The following TPST1 variants were observed in gnomAD, a reference collection of about 807,000 sequenced individuals.
TPST1 encodes protein-tyrosine sulfotransferase 1.
A neutral mutation model predicts 34.8 loss-of-function variants in TPST1; 20 were observed. The ratio of observed to expected loss-of-function variants is 0.57; its 90% CI spans 0.40 to 0.84. The LOEUF is 0.84. Among genes scored for constraint, TPST1 ranks in the 40% least tolerant of loss-of-function variants. The probability of loss-of-function intolerance (pLI) is 0.00; values close to 1 mark genes in which losing one functional copy is unlikely to be tolerated. For missense variants in TPST1, 353 were observed against 455.5 expected, an observed-to-expected ratio of 0.78 and a Z score of 2.05; for synonymous variants, 152 against 159.4, an observed-to-expected ratio of 0.95 and a Z score of 0.35.
At chr7:66,315,304 G>T (rs978339351) in intron 3 of TPST1, among the ~76,000 whole-genome samples, 1 of 152,232 alleles carries the variant, frequency 6.6e-6, no homozygotes, top group Non-Finnish European at 1.5e-5. Flanking sequence ...TATCAGGCTC[G>T]TGAAACTGGA....
chr7:66,234,121 G>A (rs1354884888), intron 1 of TPST1, among the ~76,000 whole-genome samples: 1 of 151,906 alleles, frequency 6.6e-6, no homozygotes, highest in Non-Finnish European at 1.5e-5. Context: ...ACCTCCCAAA[G>A]TGCTGGGATC....
At chr7:66,301,648 A>G (rs1047364039) in intron 3 of TPST1, among the ~76,000 whole-genome samples, 2 of 152,180 alleles carry the variant, frequency 1.3e-5, no homozygotes, top group African/African-American at 2.4e-5. Flanking sequence ...AGGAACAGGG[A>G]GGCCCAAGGA....
At position 66,240,696 on chromosome 7, in the gene TPST1, G is replaced by C; in HGVS notation, c.271G>C (p.Ala91Pro). The C allele has an allele frequency of 1.9e-6, 3 of 1,614,144 alleles. No homozygotes were observed. Among genetic ancestry groups the C allele is most frequent in the Non-Finnish European group, 2.5e-6 (3 of 1,180,040 alleles). Reference protein sequence around the residue: ...GTTLMRAMLDAHPDIRCGEET... With the variant: ...GTTLMRAMLDPHPDIRCGEET... ...CACACTCATGAGGGCCATGCTGGAC[G>C]CACATCCTGACATTCGCTGTGGAGA... Residue 91 changes from alanine (A) to proline (P), a missense_variant, in exon 2 of 6, where the codon GCA becomes CCA. Transcript: ENST00000304842.
At chr7:66,236,209 G>A (rs761216685) in intron 1 of TPST1, among the ~76,000 whole-genome samples, 2 of 152,048 alleles carry the variant, frequency 1.3e-5, no homozygotes. Context: ...CCTTTCACAA[G>A]TATGAGGGTG....
chr7:66,274,348 C>CA (rs1179348398), intron 2 of TPST1, among the ~76,000 whole-genome samples: 3 of 149,272 alleles, frequency 2.0e-5, no homozygotes, highest in African/African-American at 7.4e-5. Context: ...GCCTGGGCGA[C>CA]AGAGTGAGAC....
Position 66,212,241 on chromosome 7 carries a change from A to T in TPST1, c.-102+6719A>T, listed in dbSNP as rs77094285. ...TTTTTAACTAGAACAAAAACTGTCAATTTGATAAAAGATCTTGAACAGTGG... is the reference window on the plus strand; with the variant it reads ...TTTTTAACTAGAACAAAAACTGTCATTTTGATAAAAGATCTTGAACAGTGG... On this transcript the variant is annotated intron_variant, in intron 1 of 5. Coordinates refer to ENST00000304842, the MANE Select transcript of TPST1 (RefSeq NM_003596.4). 1.3e-3 allele frequency among the ~76,000 whole-genome samples: 196 copies of T among 152,280 alleles called. 1 individual carries two copies. Among genetic ancestry groups the T allele is most frequent in the African/African-American group, 4.4e-3 (185 of 41,582 alleles).
chr7:66,262,070 A>T (rs1790499998), intron 2 of TPST1, among the ~76,000 whole-genome samples: 1 of 152,026 alleles, frequency 6.6e-6, no homozygotes, highest in Admixed American at 6.6e-5. Flanking sequence ...TGGCCTCTGG[A>T]GTAATAGTAT....
intron 1 of TPST1, among the ~76,000 whole-genome samples, chr7:66,207,195 ACT>A (rs1174921980): frequency 6.6e-6 from 1 of 152,140 alleles, no homozygotes; most frequent in East Asian, 1.9e-4. Flanking sequence ...AGATCCTTTG[ACT>A]TAACCTCTAG....
At chr7:66,279,993 C>T (rs755523196) in intron 2 of TPST1, among the ~76,000 whole-genome samples, 7 of 152,212 alleles carry the variant, frequency 4.6e-5, no homozygotes, top group Non-Finnish European at 1.0e-4. Flanking sequence ...ATGGGGAAAA[C>T]GGAATCAAAC....
intron 3 of TPST1, among the ~76,000 whole-genome samples, chr7:66,325,690 C>T (rs780385704): frequency 2.4e-4 from 37 of 152,190 alleles, no homozygotes; most frequent in African/African-American, 7.9e-4. Flanking sequence ...GGCTGGAGTG[C>T]AGTGGCATTA....
upstream of TPST1, among the ~76,000 whole-genome samples, chr7:66,202,800 G>A (rs112122307): frequency 0.013 from 2,001 of 152,242 alleles, 40 homozygotes; most frequent in African/African-American, 0.044. Flanking sequence ...AAAGGTGGGC[G>A]CGGTGGCTCA....
At chr7:66,204,517 A>C (rs771143858), upstream of TPST1, among the ~76,000 whole-genome samples, 1 of 152,238 alleles carries the variant, frequency 6.6e-6, no homozygotes, top group Non-Finnish European at 1.5e-5. Flanking sequence ...CACCTGGCCT[A>C]GCAGAGAGCA....
rs1433304876 is a variant in TPST1, at chr7:66,240,984, C to G, written c.559C>G (p.Arg187Gly). The change falls in exon 2 of 6, where the codon CGG (arginine) becomes GGG (glycine). Residue 187 changes from arginine to glycine, a missense_variant. By Grantham distance (125) the Arg-to-Gly change is moderately radical. Coordinates refer to ENST00000304842, the MANE Select transcript of TPST1 (RefSeq NM_003596.4). Reference protein sequence around the residue: ...AKFLLMVRDGRASVHSMISRK... With the variant: ...AKFLLMVRDGGASVHSMISRK... Reference sequence around the variant, plus strand: ...ATTTCTCCTGATGGTCCGAGATGGCCGGGCATCAGTACATTCAATGATTTC... The same window carrying G: ...ATTTCTCCTGATGGTCCGAGATGGCGGGGCATCAGTACATTCAATGATTTC... 1 of 1,614,028 alleles carries G rather than the reference C, an allele frequency of 6.2e-7. No homozygotes were observed. Among genetic ancestry groups the G allele is most frequent in the African/African-American group, 1.3e-5 (1 of 74,908 alleles).
chr7:66,311,664 T>C (rs1389029232), intron 3 of TPST1, among the ~76,000 whole-genome samples: 1 of 152,170 alleles, frequency 6.6e-6, no homozygotes, highest in African/African-American at 2.4e-5. Context: ...CTGGCTTGTA[T>C]CCAGGAAGAA....
chr7:66,199,034 G>A, the TPST1 span, among the ~76,000 whole-genome samples: 5 of 152,116 alleles, frequency 3.3e-5, no homozygotes, highest in African/African-American at 1.2e-4. Flanking sequence ...TTAACTCTCA[G>A]TTCTCCGTCA....
intron 2 of TPST1, among the ~76,000 whole-genome samples, chr7:66,256,782 C>G (rs1790390902): frequency 6.6e-6 from 1 of 152,166 alleles, no homozygotes; most frequent in African/African-American, 2.4e-5. Flanking sequence ...AAGCAGCCTT[C>G]CAGCCTGCCC....
intron 2 of TPST1, among the ~76,000 whole-genome samples, chr7:66,275,210 A>T (rs576755228): frequency 2.1e-4 from 32 of 152,306 alleles, no homozygotes; most frequent in Middle Eastern, 6.8e-3. Flanking sequence ...AAAATAAAAA[A>T]AAATAAAAAA....
intron 2 of TPST1, among the ~76,000 whole-genome samples, chr7:66,274,672 T>C (rs949336250): frequency 6.6e-6 from 1 of 152,170 alleles, no homozygotes; most frequent in Admixed American, 6.5e-5. Flanking sequence ...TGGGTTGATA[T>C]ATTTGCAAAC....
At chr7:66,226,171 G>A (rs762245990) in intron 1 of TPST1, among the ~76,000 whole-genome samples, 22 of 152,268 alleles carry the variant, frequency 1.4e-4, no homozygotes, top group Admixed American at 3.9e-4. Flanking sequence ...ACAGACGTGA[G>A]CCACTGTGCC....
Sources: allele counts gnomAD v4.1 joint callset (sites outside exome capture counted in the v4.1 genomes callset), GRCh38; gene constraint gnomAD v4.1.1; transcripts MANE v1.5; gene names NCBI Gene and HGNC (gene_info 2026-07-23, HGNC 2026-07-21).